Variants in IMPA2 observed in about 807,000 individuals in gnomAD.
The protein encoded by IMPA2 is IMP 2.
A neutral mutation model predicts 35.1 loss-of-function variants in IMPA2; 32 were observed. The observed-to-expected ratio is 0.91, with a 90% confidence interval of 0.69 to 1.23. The LOEUF (loss-of-function observed/expected upper bound fraction) is 1.23. Among genes scored for constraint, IMPA2 ranks in the 50% most tolerant of loss-of-function variants. The pLI, the probability that IMPA2 is intolerant of heterozygous loss-of-function variation, is 0.00. For missense variants in IMPA2, 334 were observed against 387.6 expected, an observed-to-expected ratio of 0.86 and a Z score of 1.16; for synonymous variants, 135 against 160.6, an observed-to-expected ratio of 0.84 and a Z score of 1.20.
At chr18:12,007,647 C>CTTTCTTTCTTTCT (rs1568032894) in intron 2 of IMPA2, among the ~76,000 whole-genome samples, 1 of 101,766 alleles carries the variant, frequency 9.8e-6, no homozygotes, top group Non-Finnish European at 1.9e-5. Flanking sequence ...TTCTTTCTTT[C>CTTTCTTTCTTTCT]TTTCTTTCTT....
intron 5 of IMPA2, chr18:12,021,826 C>A (rs9635827): frequency 6.6e-6 from 1 of 152,064 alleles, no homozygotes; most frequent in African/African-American, 2.4e-5. Flanking sequence ...CTCATGAGTA[C>A]GTATTTCAGT....
At chr18:12,012,240 G>C (rs1329783868) in intron 4 of IMPA2, 25 bp downstream of exon 4, 12 of 1,608,378 alleles carry the variant, frequency 7.5e-6, no homozygotes, top group Admixed American at 6.7e-5. Flanking sequence ...CAGGTCCCCA[G>C]GGCCCCTCCC....
intron 2 of IMPA2, among the ~76,000 whole-genome samples, chr18:12,007,833 A>G (rs1907321307): frequency 6.7e-6 from 1 of 150,370 alleles, no homozygotes; most frequent in African/African-American, 2.5e-5. Flanking sequence ...GCTGGAGTGC[A>G]ATGGCATGAT....
chr18:11,999,001 C>T lies in IMPA2; in HGVS notation c.97-53C>T, dbSNP rs1175240019. On this transcript the variant is annotated intron_variant, in intron 1 of 7. Coordinates refer to ENST00000269159, the MANE Select transcript of IMPA2 (RefSeq NM_014214.3). ...CTCGAAGGAGTGGATAATTCCTTTG[C>T]CTGGGAGGAGGATGTTTGCATGTTT... 4.3e-6 allele frequency: 6 copies of T among 1,410,888 alleles called. No homozygotes were observed. In the African/African-American group the frequency reaches 7.9e-5, roughly 18 times the overall value. 87.4% of individuals were successfully genotyped at this position (1,410,888 alleles called of 1,614,324 possible). A position where few individuals can be genotyped will look rare whatever the true frequency, so the allele number is the denominator to read the frequency against.
chr18:12,021,298 T>C (rs1907722278), intron 5 of IMPA2, among the ~76,000 whole-genome samples: 1 of 151,952 alleles, frequency 6.6e-6, no homozygotes, highest in Non-Finnish European at 1.5e-5. Context: ...AGGGCTGACA[T>C]GGGAGTTCAA....
intron 5 of IMPA2, chr18:12,017,672 T>G (rs1252004242): frequency 2.5e-6 from 1 of 402,466 alleles, no homozygotes; most frequent in African/African-American, 2.1e-5. Context: ...CACTGCAGCC[T>G]CCACATCCTA....
chr18:12,001,532 C>T (rs773671754), intron 2 of IMPA2, among the ~76,000 whole-genome samples: 10 of 152,118 alleles, frequency 6.6e-5, no homozygotes, highest in Non-Finnish European at 1.0e-4. Context: ...TGAGATTGCA[C>T]GCAACCCACT....
In IMPA2 at chr18:12,010,875, C is replaced by T. The variant is rs1186627991; in HGVS notation, c.335+888C>T. 6.6e-6 allele frequency among the ~76,000 whole-genome samples: 1 copy of T among 152,198 alleles called. No homozygotes were observed. The highest frequency in any genetic ancestry group is 1.5e-5 in the Non-Finnish European group (1 of 68,040). Reference sequence around the variant, plus strand: ...GCACAGCCTTTTTCTAGGTGAGTTGCCTCGAGAATTCAGTTGTGCCTACAT... The same window carrying T: ...GCACAGCCTTTTTCTAGGTGAGTTGTCTCGAGAATTCAGTTGTGCCTACAT... On this transcript the variant is annotated intron_variant, in intron 3 of 7. Coordinates refer to ENST00000269159, the MANE Select transcript of IMPA2 (RefSeq NM_014214.3). The surrounding 1 kb of genome is among the most constrained non-coding windows in gnomAD (Gnocchi z 4.8).
intron 5 of IMPA2, among the ~76,000 whole-genome samples, chr18:12,018,766 A>G (rs1907649935): frequency 6.6e-6 from 1 of 152,312 alleles, no homozygotes; most frequent in East Asian, 1.9e-4. Flanking sequence ...TAAGACAACT[A>G]GATTCTCATA....
intron 2 of IMPA2, among the ~76,000 whole-genome samples, chr18:12,003,690 A>G (rs1024786030): frequency 2.7e-4 from 39 of 146,898 alleles, no homozygotes; most frequent in African/African-American, 9.5e-4. Flanking sequence ...AAAAAAAGGC[A>G]GCATGGTAAG....
intron 2 of IMPA2, among the ~76,000 whole-genome samples, chr18:12,007,268 C>T (rs151199699): frequency 2.3e-4 from 35 of 152,348 alleles, no homozygotes; most frequent in African/African-American, 5.8e-4. Flanking sequence ...GGTAGCCGCT[C>T]ACCCACGTGA....
At chr18:12,029,890 G>A (rs558543880) in intron 7 of IMPA2, among the ~76,000 whole-genome samples, 49 of 152,306 alleles carry the variant, frequency 3.2e-4, no homozygotes, top group African/African-American at 1.1e-3. Context: ...TGTGGGTCCC[G>A]CAGCAGCGGT....
rs576580598 is a variant in IMPA2, at chr18:11,997,724, C to T, written c.97-1330C>T. ...TTATCAGAAGACGTGATGGATGTCA[C>T]GTCCGGGCACCTGGCCAATTGATGG... is the stretch of plus-strand genomic sequence containing the variant. On this transcript the variant is annotated intron_variant, in intron 1 of 7. Coordinates refer to ENST00000269159, the MANE Select transcript of IMPA2 (RefSeq NM_014214.3). 2.2e-3 allele frequency among the ~76,000 whole-genome samples: 342 copies of T among 152,254 alleles called. 2 individuals are homozygous for T. Among genetic ancestry groups the T allele is most frequent in the Non-Finnish European group, 2.8e-3 (193 of 68,020 alleles).
chr18:12,022,855 ACCTCTG>A (rs1351167634), intron 5 of IMPA2, among the ~76,000 whole-genome samples: 1 of 149,516 alleles, frequency 6.7e-6, no homozygotes. Flanking sequence ...GCTCACTGCA[ACCTCTG>A]CCTCCCAGGT....
intron 5 of IMPA2, chr18:12,017,470 G>A (rs781439590): frequency 5.6e-4 from 129 of 230,072 alleles, no homozygotes; most frequent in Non-Finnish European, 1.0e-3. Context: ...CAATTGTCTC[G>A]TTTTTATGGA....
At chr18:11,982,094 T>C (rs1432314817) in intron 1 of IMPA2, among the ~76,000 whole-genome samples, 2 of 152,200 alleles carry the variant, frequency 1.3e-5, no homozygotes, top group Admixed American at 6.5e-5. Flanking sequence ...TAAGGACCTA[T>C]GAACGGATTC....
At chr18:12,026,891 C>T (rs1433631484) in intron 5 of IMPA2, among the ~76,000 whole-genome samples, 1 of 152,200 alleles carries the variant, frequency 6.6e-6, no homozygotes, top group Non-Finnish European at 1.5e-5. Context: ...ATGATCTGGA[C>T]CTCCTGAGGG....
chr18:12,009,968 A>C lies in IMPA2; in HGVS notation c.316A>C (p.Thr106Pro). 1 of 1,613,988 alleles carries C rather than the reference A, an allele frequency of 6.2e-7. No individual in the cohort carries two copies. Among genetic ancestry groups the C allele is most frequent in the Non-Finnish European group, 8.5e-7 (1 of 1,180,010 alleles). Residue 106 changes from threonine to proline, a missense_variant, in exon 3 of 8, where the codon ACC (threonine) becomes CCC (proline). Coordinates refer to ENST00000269159, the MANE Select transcript of IMPA2 (RefSeq NM_014214.3). Reference protein sequence around the residue: ...PTWIIDPIDGTCNFVHRFPTV... With the variant: ...PTWIIDPIDGPCNFVHRFPTV... ...GTGGATCATCGACCCCATCGACGGC[A>C]CCTGCAATTTTGTGCACAGGTGAGC...
chr18:11,988,414 T>TA (rs1290368666), intron 1 of IMPA2, among the ~76,000 whole-genome samples: 1 of 152,242 alleles, frequency 6.6e-6, no homozygotes, highest in Non-Finnish European at 1.5e-5. Context: ...GAAAGGACTT[T>TA]AGCCTTTTTA....
Sources: allele counts gnomAD v4.1 joint callset (sites outside exome capture counted in the v4.1 genomes callset), GRCh38; gene constraint gnomAD v4.1.1; non-coding constraint Gnocchi (gnomAD v3.1); transcripts MANE v1.5; gene names NCBI Gene and HGNC (gene_info 2026-07-23, HGNC 2026-07-21).